The following CCSER1 variants were observed in gnomAD, a reference collection of about 807,000 sequenced individuals.
The protein encoded by CCSER1 is coiled-coil serine rich protein 1.
CCSER1 carries 41 observed loss-of-function variants against 82.0 expected under a neutral mutation model. The ratio of observed to expected loss-of-function variants is 0.50; its 90% CI spans 0.39 to 0.65. The LOEUF is 0.65. Among genes scored for constraint, CCSER1 ranks in the 30% least tolerant of loss-of-function variants. CCSER1 has a pLI of 0.00. For synonymous variants in CCSER1, 414 were observed against 383.9 expected, an observed-to-expected ratio of 1.08 and a Z score of -0.92; for missense variants, 1,119 against 1,064.2, an observed-to-expected ratio of 1.05 and a Z score of -0.72.
chr4:91,583,774 C>T (rs1027278033), intron 10 of CCSER1, among the ~76,000 whole-genome samples: 2 of 151,320 alleles, frequency 1.3e-5, no homozygotes, highest in African/African-American at 4.8e-5. Flanking sequence ...TCAGATGTCT[C>T]CTGTGAGATA....
At chr4:90,442,943 G>A (rs992661751) in intron 4 of CCSER1, among the ~76,000 whole-genome samples, 1 of 151,358 alleles carries the variant, frequency 6.6e-6, no homozygotes. Context: ...CTTATCCTCA[G>A]GGATACATTC....
At chr4:90,703,221 T>C (rs553465902) in intron 6 of CCSER1, among the ~76,000 whole-genome samples, 1 of 152,348 alleles carries the variant, frequency 6.6e-6, no homozygotes, top group South Asian at 2.1e-4. Flanking sequence ...TGCCTTCATT[T>C]CGTTATGTAC....
chr4:90,856,769 G>A (rs1409478278), intron 8 of CCSER1, among the ~76,000 whole-genome samples: 1 of 151,936 alleles, frequency 6.6e-6, no homozygotes, highest in Non-Finnish European at 1.5e-5. Flanking sequence ...ATGCTTCAAA[G>A]GGTTATTGTA....
chr4:91,068,671 TA>T (rs1263499247), intron 9 of CCSER1, among the ~76,000 whole-genome samples: 2 of 152,188 alleles, frequency 1.3e-5, no homozygotes, highest in Admixed American at 1.3e-4. Context: ...GTAAAGTACC[TA>T]CAGCGCAGGT....
chr4:91,179,867 T>C (rs574060144), intron 10 of CCSER1, among the ~76,000 whole-genome samples: 1 of 152,352 alleles, frequency 6.6e-6, no homozygotes, highest in East Asian at 1.9e-4. Context: ...CTACATTCCT[T>C]TGGAGGAGAA....
chr4:90,551,344 A>G (rs1302009032), intron 5 of CCSER1, among the ~76,000 whole-genome samples: 1 of 151,892 alleles, frequency 6.6e-6, no homozygotes, highest in Non-Finnish European at 1.5e-5. Context: ...TCTCCCTCAT[A>G]TTTCATATTT....
At chr4:90,455,860 G>A (rs1762100683) in intron 4 of CCSER1, among the ~76,000 whole-genome samples, 1 of 152,156 alleles carries the variant, frequency 6.6e-6, no homozygotes, top group African/African-American at 2.4e-5. Flanking sequence ...ATGCTCACCT[G>A]CGCCGTGCCC....
intron 10 of CCSER1, among the ~76,000 whole-genome samples, chr4:91,452,380 A>G (rs114041539): frequency 0.013 from 1,930 of 152,112 alleles, 47 homozygotes; most frequent in African/African-American, 0.044. Flanking sequence ...AATGGCAGGT[A>G]AGCATTGCCT....
chr4:90,955,278 A>C (rs1274263794), intron 9 of CCSER1, among the ~76,000 whole-genome samples: 1 of 152,176 alleles, frequency 6.6e-6, no homozygotes, highest in Non-Finnish European at 1.5e-5. Context: ...CACAAGGCCC[A>C]TGTCACTTTT....
At chr4:90,479,750 C>T (rs2153597089) in intron 5 of CCSER1, among the ~76,000 whole-genome samples, 1 of 152,216 alleles carries the variant, frequency 6.6e-6, no homozygotes, top group Middle Eastern at 3.4e-3. Flanking sequence ...TGTATATGTG[C>T]CACATTTACT....
Position 90,499,114 on chromosome 4 carries a change from A to ATG in CCSER1, c.1724+30777_1724+30778dup, listed in dbSNP as rs3042129. ...TATGTGTGTGTATATGTATGTGTATATGTGTGTGTGTGTGTGTGCATATGT... is the reference window on the plus strand; with the variant it reads ...TATGTGTGTGTATATGTATGTGTATATGTGTGTGTGTGTGTGTGTGCATATGT... On this transcript the variant is annotated intron_variant, in intron 5 of 10. Coordinates refer to ENST00000509176, the MANE Select transcript of CCSER1 (RefSeq NM_001145065.2). Among the ~76,000 whole-genome samples the ATG allele has an allele frequency of 1.5e-3, 219 of 150,122 alleles. 2 individuals are homozygous for ATG. Among genetic ancestry groups the ATG allele is most frequent in the East Asian group, 6.9e-3 (35 of 5,108 alleles).
At position 90,810,823 on chromosome 4, in the gene CCSER1, A is replaced by G. The variant is rs181637438; in HGVS notation, c.2011-4939A>G. Reference sequence around the variant, plus strand: ...AAGGAAAATCTTTCTAGTGAAATAAAGAGTAATTCTTTTTTTTTTTTTTTT... The same window carrying G: ...AAGGAAAATCTTTCTAGTGAAATAAGGAGTAATTCTTTTTTTTTTTTTTTT... On this transcript the variant is annotated intron_variant, in intron 7 of 10. Transcript: ENST00000509176. Among the ~76,000 whole-genome samples, 1,166 of 147,702 alleles carry G rather than the reference A, an allele frequency of 7.9e-3. 18 individuals are homozygous for G. The highest frequency in any genetic ancestry group is 0.028 in the African/African-American group (1,107 of 40,038).
chr4:90,328,862 C>A (rs1738717053), intron 3 of CCSER1, among the ~76,000 whole-genome samples: 1 of 152,008 alleles, frequency 6.6e-6, no homozygotes, highest in Admixed American at 6.6e-5. Context: ...GAAGTTTTGA[C>A]TATGACTTTA....
At chr4:90,145,395 T>C (rs1489795510) in intron 1 of CCSER1, among the ~76,000 whole-genome samples, 1 of 152,156 alleles carries the variant, frequency 6.6e-6, no homozygotes, top group African/African-American at 2.4e-5. Flanking sequence ...CTGCCTGCTT[T>C]TTGTGTCATA....
chr4:91,584,976 A>G (rs1018802950), intron 10 of CCSER1, among the ~76,000 whole-genome samples: 2 of 151,432 alleles, frequency 1.3e-5, no homozygotes, highest in Non-Finnish European at 3.0e-5. Context: ...TTAATTCCCA[A>G]TTATGTAACC....
intron 7 of CCSER1, among the ~76,000 whole-genome samples, chr4:90,763,865 T>C (rs1750780303): frequency 6.6e-6 from 1 of 152,212 alleles, no homozygotes; most frequent in Admixed American, 6.5e-5. Context: ...TTTAGGAATT[T>C]TTCCTCATTT....
chr4:91,230,616 C>T (rs1738549273), intron 10 of CCSER1, among the ~76,000 whole-genome samples: 1 of 151,692 alleles, frequency 6.6e-6, no homozygotes, highest in South Asian at 2.1e-4. Flanking sequence ...ATTTCTGTGT[C>T]ATGGGTGTGG....
intron 6 of CCSER1, among the ~76,000 whole-genome samples, chr4:90,699,281 T>C (rs934964551): frequency 1.3e-5 from 2 of 151,984 alleles, no homozygotes; most frequent in Admixed American, 6.6e-5. Flanking sequence ...CTGGCGAACA[T>C]GGCAAAATCC....
chr4:90,420,624 A>T (rs1325717879), intron 4 of CCSER1, among the ~76,000 whole-genome samples: 5 of 152,076 alleles, frequency 3.3e-5, no homozygotes, highest in Non-Finnish European at 2.9e-5. Flanking sequence ...CTTCAGTGAC[A>T]AAGAAGGCTT....
Sources: gnomAD v4.1 joint callset for allele counts (sites outside exome capture counted in the v4.1 genomes callset) on GRCh38, gnomAD v4.1.1 for gene constraint, MANE v1.5 for transcripts, NCBI Gene and HGNC (gene_info 2026-07-23, HGNC 2026-07-21) for gene names.